Variants in MED29 observed in about 807,000 individuals in gnomAD.
MED29 encodes the protein mediator of RNA polymerase II transcription subunit 29.
MED29 carries 14 observed loss-of-function variants against 22.0 expected under a neutral mutation model. That is an observed-to-expected ratio of 0.64 (90% confidence interval 0.42 to 0.99). The LOEUF is 0.99. Among genes scored for constraint, MED29 ranks in the 50% least tolerant of loss-of-function variants. The pLI, the probability that MED29 is intolerant of heterozygous loss-of-function variation, is 0.00. For synonymous variants in MED29, 123 were observed against 107.8 expected (o/e 1.14, Z -0.87); for missense variants, 241 against 253.7 (o/e 0.95, Z 0.34).
At chr19:39,393,242 C>T (rs975797344) in intron 2 of MED29, among the ~76,000 whole-genome samples, 4 of 151,660 alleles carry the variant, frequency 2.6e-5, no homozygotes, top group East Asian at 3.9e-4. Flanking sequence ...ACTACAGGCG[C>T]GTGCCAGCAC....
Position 39,393,551 on chromosome 19 carries a change from AG to A in MED29, c.276-1del. On this transcript the variant is annotated splice_acceptor_variant, in intron 2 of 3. Coordinates refer to ENST00000315588, the MANE Select transcript of MED29 (RefSeq NM_017592.4). LOFTEE classifies it high-confidence loss of function. ...CAGACATCCTTTTTTCCTTGTCTGT[AG>A]AAAGAGCAGTGATGGACCCATACAG... is the stretch of plus-strand genomic sequence containing the variant. The A allele has an allele frequency of 6.2e-7, 1 of 1,613,670 alleles. No homozygotes were observed.
At position 39,398,548 on chromosome 19, in the gene MED29, G is replaced by A. The variant is rs972673916; in HGVS notation, c.*849G>A. ...AAGGAGAAGTGAAAAGGCCCCAGCC[G>A]GGGTGAATCATCAGTCCTGGGGAAG... On this transcript the variant is annotated 3_prime_UTR_variant, in exon 4 of 4. Transcript: ENST00000315588. The A allele has an allele frequency of 6.6e-6, 1 of 152,664 alleles. No individual in the cohort carries two copies. The highest frequency in any genetic ancestry group is 1.5e-5 in the Non-Finnish European group (1 of 68,058). The allele number at this position is 152,664 out of a possible 1,614,324, so 9.5% of individuals were successfully genotyped here.
In MED29 at chr19:39,391,564, CA is replaced by C. The variant is rs765728246; in HGVS notation, c.143del (p.Gln48ArgfsTer20). On this transcript the variant is annotated frameshift_variant, in exon 1 of 4. Transcript: ENST00000315588. LOFTEE classifies it high-confidence loss of function. ...GGGCCCTGCCCAGAGCGGCCTCCTG[CA>C]GCAACAGCAACAGGACTTCGATCCT... ...LVGPAQSGLL[Q>X]QQQQDFDPVQ... is the part of the protein sequence containing the mutation. 8.4e-5 allele frequency: 135 copies of C among 1,613,490 alleles called. No homozygotes were observed. The highest frequency in any genetic ancestry group is 1.1e-4 in the Non-Finnish European group (128 of 1,179,876).
chr19:39,394,275 G>A (rs552707607), intron 3 of MED29, among the ~76,000 whole-genome samples: 11 of 152,038 alleles, frequency 7.2e-5, no homozygotes, highest in Non-Finnish European at 1.6e-4. Context: ...TGGTGGGGGG[G>A]TGTGGGGGAG....
At chr19:39,392,624 C>A in intron 2 of MED29, 102 bp downstream of exon 2, 44 of 519,922 alleles carry the variant, frequency 8.5e-5, no homozygotes, top group Non-Finnish European at 1.2e-4. Flanking sequence ...TCTATATTTA[C>A]TTTTTTTTTT....
At chr19:39,397,402 G>T in intron 3 of MED29, 55 bp from the exon 4 acceptor site, 4 of 1,564,444 alleles carry the variant, frequency 2.6e-6, no homozygotes, top group Non-Finnish European at 3.5e-6. Flanking sequence ...CCTTGGGGTG[G>T]GGTAGAATGA....
Position 39,400,368 on chromosome 19 carries a change from C to T in MED29, c.*2669C>T, listed in dbSNP as rs1290053933. On this transcript the variant is annotated 3_prime_UTR_variant, in exon 4 of 4. Coordinates refer to ENST00000315588, the MANE Select transcript of MED29 (RefSeq NM_017592.4). ...GCACTCCAGCTTGGTTCATGGAGAC[C>T]CTGTTTTTTTAAAAAAAGAAGTGGA... 6.6e-6 allele frequency: 1 copy of T among 151,884 alleles called. No homozygotes were observed. Among genetic ancestry groups the T allele is most frequent in the Non-Finnish European group, 1.5e-5 (1 of 67,986 alleles). 9.4% of individuals were successfully genotyped at this position (151,884 alleles called of 1,614,324 possible).
At chr19:39,396,600 C>T (rs1390698597) in intron 3 of MED29, among the ~76,000 whole-genome samples, 1 of 151,996 alleles carries the variant, frequency 6.6e-6, no homozygotes, top group Non-Finnish European at 1.5e-5. Context: ...GTGGCATGCA[C>T]CTGAAGTGCC....
chr19:39,393,700 ACAGT>A (rs763485110), intron 3 of MED29, 63 bp downstream of exon 3: 240 of 1,401,462 alleles, frequency 1.7e-4, no homozygotes, highest in Admixed American at 3.4e-4. Context: ...GTCTTCAGAA[ACAGT>A]CAGTCAGTCA....
At chr19:39,392,955 G>A (rs574200210) in intron 2 of MED29, among the ~76,000 whole-genome samples, 1 of 151,596 alleles carries the variant, frequency 6.6e-6, no homozygotes, top group Non-Finnish European at 1.5e-5. Flanking sequence ...TTGCCACGTT[G>A]TCCAGGCTGG....
chr19:39,396,434 A>C (rs2078428768), intron 3 of MED29, among the ~76,000 whole-genome samples: 1 of 145,586 alleles, frequency 6.9e-6, no homozygotes, highest in African/African-American at 2.5e-5. Flanking sequence ...GACTGTCTCC[A>C]AAAAAAAAGG....
In MED29 at chr19:39,392,498, A is replaced by G; in HGVS notation, c.251A>G (p.Gln84Arg). Residue 84 changes from glutamine (Q) to arginine (R), a missense_variant, in exon 2 of 4, where the codon CAG (glutamine) becomes CGG (arginine). Coordinates refer to ENST00000315588, the MANE Select transcript of MED29 (RefSeq NM_017592.4). The part of the protein sequence containing the change: ...LMKVAAQNLI[Q>R]NTNIDNGQKS... ...AAGGTTGCGGCCCAAAACTTGATTC[A>G]GAACACTAACATCGACAATGGACAG... 4 of 1,614,114 alleles carry G rather than the reference A, an allele frequency of 2.5e-6. No homozygotes were observed. The highest frequency in any genetic ancestry group is 1.3e-5 in the African/African-American group (1 of 75,016).
At chr19:39,392,605 A>G (rs767162433) in intron 2 of MED29, 83 bp downstream of exon 2, 2 of 1,007,648 alleles carry the variant, frequency 2.0e-6, no homozygotes, top group Non-Finnish European at 1.4e-6. Context: ...CTCCCCGCCC[A>G]CCTCACCTTC....
At chr19:39,395,052 C>T (rs1057258072) in intron 3 of MED29, among the ~76,000 whole-genome samples, 1 of 151,910 alleles carries the variant, frequency 6.6e-6, no homozygotes, top group Non-Finnish European at 1.5e-5. Flanking sequence ...CGGGGTTTTG[C>T]CATGTTGCTC....
In MED29 at chr19:39,397,498, C is replaced by G; in HGVS notation, c.402C>G (p.Ala134=). The change falls in exon 4 of 4, where the codon GCC becomes GCG. Residue 134 remains alanine (A), a synonymous_variant. Coordinates refer to ENST00000315588, the MANE Select transcript of MED29 (RefSeq NM_017592.4). ...GCCTGTCACAGAGTTGTGACAGTGC[C>G]AAGCACTCTCCAACGTTGGTGCCCA... ...HECLSQSCDS[A]KHSPTLVPTA... The G allele has an allele frequency of 1.1e-5, 17 of 1,610,540 alleles. No individual in the cohort carries two copies. Among genetic ancestry groups the G allele is most frequent in the Non-Finnish European group, 1.4e-5 (17 of 1,180,000 alleles).
In MED29 at chr19:39,391,415, C is replaced by A. The variant is rs777298003; in HGVS notation, c.-8C>A. 1 of 1,611,506 alleles carries A rather than the reference C, an allele frequency of 6.2e-7. No individual in the cohort carries two copies. Among genetic ancestry groups the A allele is most frequent in the Non-Finnish European group, 8.5e-7 (1 of 1,177,914 alleles). ...CGTAACGCACTTCCGGCGGTCTACG[C>A]GAGGAAGATGGCTGCATCCCAGCAG... On this transcript the variant is annotated 5_prime_UTR_variant, in exon 1 of 4. Coordinates refer to ENST00000315588, the MANE Select transcript of MED29 (RefSeq NM_017592.4).
chr19:39,391,431 A>C lies in MED29; in HGVS notation c.9A>C (p.Ala3=), dbSNP rs763302206. The C allele has an allele frequency of 2.5e-6, 4 of 1,612,776 alleles. No homozygotes were observed. In the South Asian group the frequency reaches 4.4e-5, roughly 18 times the overall value. Residue 3 remains alanine, a synonymous_variant, in exon 1 of 4, where the codon GCA becomes GCC. Transcript: ENST00000315588. The stretch of plus-strand genomic sequence containing the variant: ...CGGTCTACGCGAGGAAGATGGCTGC[A>C]TCCCAGCAGCAAGCTTCAGCGGCTT... MA[A]SQQQASAASS...
chr19:39,393,072 CTTTCTTTTCTTT>C (rs1336202210), intron 2 of MED29, among the ~76,000 whole-genome samples: 4,831 of 83,916 alleles, frequency 0.058, 126 homozygotes, highest in Admixed American at 0.089. Context: ...TTCTTTCTTT[CTTTCTTTTCTTT>C]TTTTTTTTTT....
intron 2 of MED29, among the ~76,000 whole-genome samples, chr19:39,393,071 TC>T (rs2078405119): frequency 3.8e-5 from 4 of 105,444 alleles, no homozygotes; most frequent in African/African-American, 1.7e-4. Flanking sequence ...TTTCTTTCTT[TC>T]TTTCTTTTCT....
Sources: gnomAD v4.1 joint callset for allele counts (sites outside exome capture counted in the v4.1 genomes callset) on GRCh38, gnomAD v4.1.1 for gene constraint, MANE v1.5 for transcripts, NCBI Gene and HGNC (gene_info 2026-07-23, HGNC 2026-07-21) for gene names.